The following LINGO2 variants were observed in gnomAD, a reference collection of about 807,000 sequenced individuals.
The protein encoded by LINGO2 is leucine rich repeat and Ig domain containing 2.
LINGO2 carries 14 observed loss-of-function variants against 30.6 expected under a neutral mutation model. The ratio of observed to expected loss-of-function variants is 0.46; its 90% CI spans 0.30 to 0.72. The LOEUF is 0.72. Ranked by LOEUF, LINGO2 falls within the 30% of genes least tolerant of loss-of-function variation. LINGO2 has a pLI of 0.07. For missense variants in LINGO2, 729 were observed against 751.7 expected, an observed-to-expected ratio of 0.97 and a Z score of 0.35; for synonymous variants, 317 against 288.5, an observed-to-expected ratio of 1.10 and a Z score of -1.00.
At chr9:29,161,854 T>C in the LINGO2 span, among the ~76,000 whole-genome samples, 1 of 152,204 alleles carries the variant, frequency 6.6e-6, no homozygotes, top group East Asian at 1.9e-4. Flanking sequence ...GCTATTGAAA[T>C]GTTAATAATA....
intron 4 of LINGO2, among the ~76,000 whole-genome samples, chr9:28,027,135 C>T (rs1308901251): frequency 6.6e-6 from 1 of 152,192 alleles, no homozygotes; most frequent in Non-Finnish European, 1.5e-5. Flanking sequence ...TATTTTGCCT[C>T]TTGTATAACA....
At chr9:28,861,327 TAA>T in the LINGO2 span, among the ~76,000 whole-genome samples, 4 of 131,488 alleles carry the variant, frequency 3.0e-5, no homozygotes, top group South Asian at 4.3e-4. Context: ...ATACTATATA[TAA>T]TATATATTAT....
At chr9:28,874,489 A>T in the LINGO2 span, among the ~76,000 whole-genome samples, 4 of 152,102 alleles carry the variant, frequency 2.6e-5, no homozygotes, top group African/African-American at 9.6e-5. Flanking sequence ...TACTGTAATT[A>T]TATAAAGTAC....
chr9:29,039,790 G>C, the LINGO2 span, among the ~76,000 whole-genome samples: 3 of 152,078 alleles, frequency 2.0e-5, no homozygotes, highest in African/African-American at 7.2e-5. Flanking sequence ...GCCCACCACT[G>C]ATCCAAGATG....
At chr9:29,051,730 A>C in the LINGO2 span, among the ~76,000 whole-genome samples, 2 of 152,088 alleles carry the variant, frequency 1.3e-5, no homozygotes, top group Non-Finnish European at 2.9e-5. Context: ...CATATCTCAA[A>C]CATAAGAGAG....
the LINGO2 span, among the ~76,000 whole-genome samples, chr9:28,920,703 G>A: frequency 0.73 from 110,912 of 151,156 alleles, 40,798 homozygotes; most frequent in Non-Finnish European, 0.78. Context: ...TGTCAGAGCC[G>A]GTGGCCTTTG....
At chr9:28,534,671 GA>G (rs1821359069) in intron 1 of LINGO2, among the ~76,000 whole-genome samples, 1 of 151,908 alleles carries the variant, frequency 6.6e-6, no homozygotes, top group African/African-American at 2.4e-5. Context: ...CTTAGATACT[GA>G]AACATTAGCA....
At chr9:29,002,570 T>C in the LINGO2 span, among the ~76,000 whole-genome samples, 1 of 152,036 alleles carries the variant, frequency 6.6e-6, no homozygotes, top group South Asian at 2.1e-4. Context: ...CGTAACACTT[T>C]GTTGAAATTT....
chr9:28,700,343 T>TTCCATACTTTTTACTTTC, the LINGO2 span, among the ~76,000 whole-genome samples: 5 of 152,184 alleles, frequency 3.3e-5, no homozygotes, highest in Non-Finnish European at 7.4e-5. Flanking sequence ...TTTTTACTTT[T>TTCCATACTTTTTACTTTC]TCCATACTTT....
At chr9:28,211,732 A>C (rs1479318031) in intron 4 of LINGO2, among the ~76,000 whole-genome samples, 1 of 150,928 alleles carries the variant, frequency 6.6e-6, no homozygotes, top group Non-Finnish European at 1.5e-5. Flanking sequence ...TCTCTTACCC[A>C]CTCACTCTTC....
the LINGO2 span, among the ~76,000 whole-genome samples, chr9:28,915,074 G>T: frequency 6.6e-6 from 1 of 152,188 alleles, no homozygotes; most frequent in South Asian, 2.1e-4. Context: ...GGAGGTTGCA[G>T]TAAGCCGAGA....
chr9:28,435,175 C>A (rs954433226), intron 2 of LINGO2, among the ~76,000 whole-genome samples: 1 of 152,092 alleles, frequency 6.6e-6, no homozygotes, highest in South Asian at 2.1e-4. Flanking sequence ...ATAATATAGA[C>A]CAGATTCAAA....
At chr9:28,678,757 G>C in the LINGO2 span, among the ~76,000 whole-genome samples, 23,581 of 151,974 alleles carry the variant, frequency 0.16, 2,595 homozygotes, top group African/African-American at 0.32. Context: ...GTAATCTTTT[G>C]ATTATATTTT....
chr9:28,878,299 A>G, the LINGO2 span, among the ~76,000 whole-genome samples: 9 of 152,132 alleles, frequency 5.9e-5, no homozygotes, highest in African/African-American at 2.4e-5. Context: ...AAGAAGTTGA[A>G]TCTCCGAATA....
the LINGO2 span, among the ~76,000 whole-genome samples, chr9:28,976,596 G>A: frequency 6.6e-6 from 1 of 151,998 alleles, no homozygotes; most frequent in South Asian, 2.1e-4. Context: ...TGTGACAAAA[G>A]GCACCATCAT....
intron 1 of LINGO2, among the ~76,000 whole-genome samples, chr9:28,668,581 G>T (rs181208991): frequency 7.8e-4 from 118 of 151,564 alleles, no homozygotes; most frequent in Non-Finnish European, 1.2e-3. Flanking sequence ...CGCTCTGAAA[G>T]TACATCTAAA....
chr9:29,081,618 A>G, the LINGO2 span, among the ~76,000 whole-genome samples: 2 of 152,254 alleles, frequency 1.3e-5, no homozygotes, highest in Admixed American at 6.5e-5. Context: ...AGGGTATTCA[A>G]TTAGGAAAAG....
intron 1 of LINGO2, among the ~76,000 whole-genome samples, chr9:28,546,846 C>G (rs781486948): frequency 6.6e-6 from 1 of 151,876 alleles, no homozygotes; most frequent in Non-Finnish European, 1.5e-5. Flanking sequence ...TTTTCTGAAC[C>G]CCAATAGTAG....
chr9:28,785,132 C>A, the LINGO2 span, among the ~76,000 whole-genome samples: 1 of 152,036 alleles, frequency 6.6e-6, no homozygotes, highest in Non-Finnish European at 1.5e-5. Flanking sequence ...ATAAATTATA[C>A]AGAAATGGCA....
Sources: allele counts gnomAD v4.1 joint callset (sites outside exome capture counted in the v4.1 genomes callset), GRCh38; gene constraint gnomAD v4.1.1; transcripts MANE v1.5; gene names NCBI Gene and HGNC (gene_info 2026-07-23, HGNC 2026-07-21).